Variants in SYT17 observed in about 807,000 individuals in gnomAD.
The protein encoded by SYT17 is synaptotagmin 17.
SYT17 carries 22 observed loss-of-function variants against 46.7 expected under a neutral mutation model. The observed-to-expected ratio is 0.47, with a 90% CI of 0.34 to 0.67. The LOEUF (loss-of-function observed/expected upper bound fraction) is 0.67, where lower values mean the gene tolerates loss of function less well. Ranked by LOEUF, SYT17 falls within the 30% of genes least tolerant of loss-of-function variation. SYT17 has a pLI of 0.01. For missense variants in SYT17, 519 were observed against 612.8 expected (o/e 0.85, Z 1.62); for synonymous variants, 251 against 248.4 (o/e 1.01, Z -0.10).
Position 19,173,453 on chromosome 16 carries a change from T to C in SYT17, c.57T>C (p.Gly19=). 6 of 1,510,528 alleles carry C rather than the reference T, an allele frequency of 4.0e-6. No homozygotes were observed. Among genetic ancestry groups the C allele is most frequent in the Non-Finnish European group, 5.4e-6 (6 of 1,118,336 alleles). The allele number at this position is 1,510,528 out of a possible 1,614,324, so 93.6% of individuals were successfully genotyped here. A position where few individuals can be genotyped will look rare whatever the true frequency, so the allele number is the denominator to read the frequency against. ...AGGGTTTTCTTTCTAGAATCTCTGG[T>C]CTGCTGCTGTGCAGATGGACCTGCC... The part of the protein sequence containing the change: ...LNEGFLSRIS[G]LLLCRWTCRH... The change falls in exon 3 of 8, where the codon GGT becomes GGC. Residue 19 remains glycine (G), a synonymous_variant. Transcript: ENST00000355377.
intron 5 of SYT17, among the ~76,000 whole-genome samples, chr16:19,189,043 C>T (rs1964905413): frequency 6.6e-6 from 1 of 152,118 alleles, no homozygotes; most frequent in Non-Finnish European, 1.5e-5. Flanking sequence ...CCCACCACCA[C>T]GCCCGGCTAA....
chr16:19,214,794 C>CT lies in SYT17; in HGVS notation c.952-8238dup, dbSNP rs1012960968. On this transcript the variant is annotated intron_variant, in intron 5 of 7. Coordinates refer to ENST00000355377, the MANE Select transcript of SYT17 (RefSeq NM_016524.4). The stretch of plus-strand genomic sequence containing the variant: ...TGTCATTCAAGATAATAATAATTCT[C>CT]TTTTTTTTTTTTTGAGACAGAGTCT... Among the ~76,000 whole-genome samples the CT allele has an allele frequency of 6.0e-3, 851 of 141,620 alleles. 6 individuals carry two copies. The highest frequency in any genetic ancestry group is 0.019 in the Middle Eastern group (5 of 260). The allele number at this position is 141,620 out of a possible 152,430, so 92.9% of individuals were successfully genotyped here.
At chr16:19,172,190 A>G in intron 1 of SYT17, 1 of 316,390 alleles carries the variant, frequency 3.2e-6, no homozygotes, top group Non-Finnish European at 4.8e-6. Context: ...GGAAGGGAGG[A>G]CCTCCTTCCT....
At chr16:19,254,253 C>G (rs1968399789) in intron 7 of SYT17, among the ~76,000 whole-genome samples, 1 of 152,176 alleles carries the variant, frequency 6.6e-6, no homozygotes, top group African/African-American at 2.4e-5. Context: ...AGGGACAAAA[C>G]CTGCACAGTT....
chr16:19,173,874 G>C (rs200067071), intron 3 of SYT17, among the ~76,000 whole-genome samples: 2 of 152,142 alleles, frequency 1.3e-5, no homozygotes, highest in Admixed American at 6.5e-5. Context: ...TTTTAGTCAC[G>C]TGGAGCGTGG....
At chr16:19,239,758 G>T (rs1203489543) in intron 7 of SYT17, among the ~76,000 whole-genome samples, 1 of 152,176 alleles carries the variant, frequency 6.6e-6, no homozygotes, top group Non-Finnish European at 1.5e-5. Context: ...TGGACCCACT[G>T]GGCCCACTCA....
In SYT17 at chr16:19,183,528, G is replaced by A; in HGVS notation, c.332G>A (p.Ser111Asn). ...CATTGTTATTTCTGGTGGCTCTCAG[G>A]TCTTGAGTCAAGACGTCCCAGCTCT... ...STYSLTRRIS[S>N]LESRRPSSPL... Residue 111 changes from serine to asparagine, a missense_variant and splice_region_variant, in exon 5 of 8, where the codon AGT (serine) becomes AAT (asparagine). Coordinates refer to ENST00000355377, the MANE Select transcript of SYT17 (RefSeq NM_016524.4). This position sits in a 1 kb window ranked among gnomAD's most constrained non-coding sequence, Gnocchi z 5.6. 1.9e-6 allele frequency: 3 copies of A among 1,613,598 alleles called. No homozygotes were observed. Among genetic ancestry groups the A allele is most frequent in the Non-Finnish European group, 2.5e-6 (3 of 1,179,574 alleles).
In SYT17 at chr16:19,191,072, G is replaced by A. The variant is rs367833260; in HGVS notation, c.951+6925G>A. On this transcript the variant is annotated intron_variant, in intron 5 of 7. Transcript: ENST00000355377. ...GAGATTAGATGCCCCGTGGCCATGC[G>A]GGAACCTTTCTGAGCATTAGGAAGG... is the stretch of plus-strand genomic sequence containing the variant. Among the ~76,000 whole-genome samples, 49 of 152,086 alleles carry A rather than the reference G, an allele frequency of 3.2e-4. No individual in the cohort carries two copies. In the East Asian group the frequency reaches 7.4e-3, roughly 23 times the overall value.
intron 6 of SYT17, among the ~76,000 whole-genome samples, chr16:19,224,110 A>G (rs1194918043): frequency 6.6e-6 from 1 of 152,228 alleles, no homozygotes; most frequent in Non-Finnish European, 1.5e-5. Flanking sequence ...CTAAAAATGA[A>G]TTATAATTCT....
Position 19,168,764 on chromosome 16 carries a change from C to G in SYT17, c.15+103C>G, listed in dbSNP as rs1396938610. On this transcript the variant is annotated intron_variant, in intron 1 of 7. Coordinates refer to ENST00000355377, the MANE Select transcript of SYT17 (RefSeq NM_016524.4). The surrounding 1 kb of genome is among the most constrained non-coding windows in gnomAD (Gnocchi z 6.9). ...GGGAGGGCCCACGGCTAGGCTCCCA[C>G]AAACTTGCTTCGAGAAAAAGGGTGC... is the stretch of plus-strand genomic sequence containing the variant. 3 of 1,351,288 alleles carry G rather than the reference C, an allele frequency of 2.2e-6. No homozygotes were observed. Among genetic ancestry groups the G allele is most frequent in the Non-Finnish European group, 2.9e-6 (3 of 1,025,738 alleles). The allele number at this position is 1,351,288 out of a possible 1,614,324, so 83.7% of individuals were successfully genotyped here.
At chr16:19,182,462 T>G (rs1964596166) in intron 4 of SYT17, among the ~76,000 whole-genome samples, 1 of 152,218 alleles carries the variant, frequency 6.6e-6, no homozygotes, top group African/African-American at 2.4e-5. Context: ...ATTTGCATAT[T>G]TTAAAAGTCG....
At chr16:19,211,380 T>C (rs1220222081) in intron 5 of SYT17, 3 of 703,370 alleles carry the variant, frequency 4.3e-6, no homozygotes, top group African/African-American at 1.7e-5. Flanking sequence ...CTGCTTGATC[T>C]TGGATTTGTT....
chr16:19,208,252 C>T (rs1965747876), intron 5 of SYT17, among the ~76,000 whole-genome samples: 1 of 152,316 alleles, frequency 6.6e-6, no homozygotes, highest in Non-Finnish European at 1.5e-5. Flanking sequence ...ATGCCGCAAA[C>T]TGGTGGCTTG....
intron 7 of SYT17, among the ~76,000 whole-genome samples, chr16:19,254,989 G>C (rs1449109211): frequency 2.0e-5 from 3 of 152,176 alleles, no homozygotes; most frequent in Admixed American, 6.5e-5. Flanking sequence ...ATCTCTTGAG[G>C]AAGGAGAAAG....
chr16:19,234,215 A>C (rs1196795838), intron 7 of SYT17, among the ~76,000 whole-genome samples: 1 of 152,056 alleles, frequency 6.6e-6, no homozygotes, highest in Admixed American at 6.5e-5. Flanking sequence ...AGTCCCAGCT[A>C]CTCAGGAGGC....
At chr16:19,251,232 A>G (rs917010718) in intron 7 of SYT17, among the ~76,000 whole-genome samples, 6 of 152,212 alleles carry the variant, frequency 3.9e-5, no homozygotes, top group African/African-American at 1.4e-4. Flanking sequence ...ATAAAAGGTC[A>G]TCAGGACCCG....
chr16:19,203,268 A>C (rs1225764507), intron 5 of SYT17, among the ~76,000 whole-genome samples: 1 of 151,830 alleles, frequency 6.6e-6, no homozygotes, highest in Admixed American at 6.6e-5. Context: ...AGGAGGCTGG[A>C]TCACTTGAGG....
chr16:19,226,543 T>C (rs1222863253), intron 7 of SYT17, among the ~76,000 whole-genome samples: 3 of 152,198 alleles, frequency 2.0e-5, no homozygotes, highest in African/African-American at 4.8e-5. Context: ...AGAGTCTGCG[T>C]TGAATCAGGG....
intron 5 of SYT17, among the ~76,000 whole-genome samples, chr16:19,197,287 A>G (rs557845195): frequency 6.6e-4 from 101 of 152,342 alleles, no homozygotes; most frequent in African/African-American, 2.1e-3. Flanking sequence ...GTTTCTTTTC[A>G]TGCGGTCCTT....
Sources: gnomAD v4.1 joint callset for allele counts (sites outside exome capture counted in the v4.1 genomes callset) on GRCh38, gnomAD v4.1.1 for gene constraint, Gnocchi (gnomAD v3.1) non-coding constraint, MANE v1.5 for transcripts, NCBI Gene and HGNC (gene_info 2026-07-23, HGNC 2026-07-21) for gene names.